The following SIL1 variants were observed in gnomAD, a reference collection of about 807,000 sequenced individuals.
SIL1 encodes nucleotide exchange factor SIL1.
Under a neutral mutation model 49.1 loss-of-function variants are expected in SIL1, and 40 were observed. The observed-to-expected ratio is 0.81, with a 90% CI of 0.63 to 1.06. The LOEUF is 1.06. SIL1 is among the 50% of genes least tolerant of loss of function. The pLI, the probability that SIL1 is intolerant of heterozygous loss-of-function variation, is 0.00. For missense variants in SIL1, 500 were observed against 572.6 expected, an observed-to-expected ratio of 0.87 and a Z score of 1.29; for synonymous variants, 253 against 250.8, an observed-to-expected ratio of 1.01 and a Z score of -0.08.
intron 1 of SIL1, among the ~76,000 whole-genome samples, chr5:139,195,228 G>A (rs1326526448): frequency 2.6e-5 from 4 of 151,918 alleles, no homozygotes; most frequent in Admixed American, 6.6e-5. Context: ...CACCGCACCC[G>A]GCCAGAGACT....
At chr5:138,962,626 T>C (rs1051363254) in intron 7 of SIL1, among the ~76,000 whole-genome samples, 4 of 152,226 alleles carry the variant, frequency 2.6e-5, no homozygotes, top group African/African-American at 7.2e-5. Context: ...ACAAAAATTA[T>C]TATTTTTACT....
intron 6 of SIL1, among the ~76,000 whole-genome samples, chr5:139,021,495 T>C (rs553919814): frequency 1.6e-4 from 24 of 152,332 alleles, no homozygotes; most frequent in Admixed American, 7.8e-4. Flanking sequence ...TCTAACACGA[T>C]TGATGAGCAC....
At chr5:138,963,732 A>G (rs1767073586) in intron 7 of SIL1, among the ~76,000 whole-genome samples, 1 of 152,258 alleles carries the variant, frequency 6.6e-6, no homozygotes, top group South Asian at 2.1e-4. Flanking sequence ...AAAGATCTTT[A>G]AGAACAATTA....
At chr5:139,077,462 C>A (rs1435852018) in intron 3 of SIL1, among the ~76,000 whole-genome samples, 2 of 152,196 alleles carry the variant, frequency 1.3e-5, no homozygotes, top group African/African-American at 2.4e-5. Context: ...ACCCAATCTA[C>A]AACAAAACTC....
At chr5:139,174,714 G>A (rs933763867) in intron 1 of SIL1, among the ~76,000 whole-genome samples, 1 of 152,022 alleles carries the variant, frequency 6.6e-6, no homozygotes, top group Non-Finnish European at 1.5e-5. Context: ...AAGGCAGGCA[G>A]ATCACCTGAG....
At chr5:139,165,592 C>T (rs1050861497) in intron 1 of SIL1, among the ~76,000 whole-genome samples, 3 of 152,196 alleles carry the variant, frequency 2.0e-5, no homozygotes, top group Non-Finnish European at 2.9e-5. Context: ...TCAGGTGATC[C>T]GCCCACCTTA....
At chr5:139,006,502 G>T (rs1768121948) in intron 7 of SIL1, among the ~76,000 whole-genome samples, 2 of 135,966 alleles carry the variant, frequency 1.5e-5, no homozygotes, top group Non-Finnish European at 3.2e-5. Context: ...CATTGCTTTT[G>T]GTGTTTTGGA....
At chr5:139,147,606 T>A (rs1216157744) in intron 1 of SIL1, among the ~76,000 whole-genome samples, 1 of 152,166 alleles carries the variant, frequency 6.6e-6, no homozygotes, top group African/African-American at 2.4e-5. Context: ...CTGAATTATT[T>A]CAGCAGCTGT....
At chr5:138,957,075 A>G (rs1328426215) in intron 7 of SIL1, among the ~76,000 whole-genome samples, 4 of 152,022 alleles carry the variant, frequency 2.6e-5, no homozygotes, top group Non-Finnish European at 5.9e-5. Context: ...GGGTCTCTAG[A>G]CCCTACTGAC....
chr5:139,167,734 T>C lies in SIL1; in HGVS notation c.-11+30535A>G, dbSNP rs112371584. ...TTATAAAGTCTACAGTAGTATACAGTAACATCCTAGGCTTTCATATTCACT... is the reference window on the plus strand; with the variant it reads ...TTATAAAGTCTACAGTAGTATACAGCAACATCCTAGGCTTTCATATTCACT... On this transcript the variant is annotated intron_variant, in intron 1 of 9. Coordinates refer to ENST00000394817, the MANE Select transcript of SIL1 (RefSeq NM_022464.5). Among the ~76,000 whole-genome samples the C allele has an allele frequency of 2.3e-3, 351 of 152,346 alleles. 3 individuals are homozygous for C. The highest frequency in any genetic ancestry group is 8.1e-3 in the African/African-American group (337 of 41,568).
At chr5:138,985,205 A>G (rs908043721) in intron 7 of SIL1, among the ~76,000 whole-genome samples, 1 of 152,248 alleles carries the variant, frequency 6.6e-6, no homozygotes, top group African/African-American at 2.4e-5. Flanking sequence ...GAGTTAAGAA[A>G]TGCTGTCAGG....
intron 7 of SIL1, among the ~76,000 whole-genome samples, chr5:138,985,768 C>T (rs1157355941): frequency 2.6e-5 from 4 of 152,114 alleles, no homozygotes; most frequent in African/African-American, 9.7e-5. Context: ...AGTCAGGGGC[C>T]CCTGTACATA....
intron 3 of SIL1, among the ~76,000 whole-genome samples, chr5:139,119,631 T>G (rs1750565574): frequency 1.3e-5 from 2 of 152,174 alleles, no homozygotes; most frequent in East Asian, 1.9e-4. Flanking sequence ...TGTGGTGGCT[T>G]GCACCTATAG....
intron 3 of SIL1, among the ~76,000 whole-genome samples, chr5:139,103,408 T>C (rs1005165519): frequency 6.6e-6 from 1 of 152,212 alleles, no homozygotes; most frequent in African/African-American, 2.4e-5. Flanking sequence ...AGCGTGCCAG[T>C]CAGTCTGTGG....
At chr5:139,072,050 T>C (rs1310679683) in intron 3 of SIL1, among the ~76,000 whole-genome samples, 4 of 152,120 alleles carry the variant, frequency 2.6e-5, no homozygotes, top group Non-Finnish European at 5.9e-5. Flanking sequence ...TAATTCCTTT[T>C]CTAGGCACAA....
intron 7 of SIL1, among the ~76,000 whole-genome samples, chr5:138,954,094 G>A (rs958934439): frequency 1.3e-5 from 2 of 152,176 alleles, no homozygotes; most frequent in Non-Finnish European, 2.9e-5. Context: ...GGCTGATGTG[G>A]GTCGGGAGCC....
intron 3 of SIL1, among the ~76,000 whole-genome samples, chr5:139,089,558 C>T (rs1770296702): frequency 6.6e-6 from 1 of 152,292 alleles, no homozygotes. Context: ...AGTCCATCAG[C>T]AGATGAATAA....
chr5:139,089,828 C>T (rs745879800), intron 3 of SIL1, among the ~76,000 whole-genome samples: 6 of 152,102 alleles, frequency 3.9e-5, no homozygotes, highest in Admixed American at 1.3e-4. Context: ...AACTGCTCAG[C>T]GGGTATGGGA....
chr5:138,986,007 T>C (rs1447651621), intron 7 of SIL1, among the ~76,000 whole-genome samples: 1 of 152,178 alleles, frequency 6.6e-6, no homozygotes, highest in Non-Finnish European at 1.5e-5. Flanking sequence ...ACATGGCTAG[T>C]CCACCTACAG....
Sources: gnomAD v4.1 joint callset for allele counts (sites outside exome capture counted in the v4.1 genomes callset) on GRCh38, gnomAD v4.1.1 for gene constraint, MANE v1.5 for transcripts, NCBI Gene and HGNC (gene_info 2026-07-23, HGNC 2026-07-21) for gene names.